RHCG: variants seen among roughly 807,000 people sequenced by gnomAD.
The protein encoded by RHCG is Rh family C glycoprotein.
A neutral mutation model predicts 55.3 loss-of-function variants in RHCG; 39 were observed. The observed-to-expected ratio is 0.70, with a 90% CI of 0.55 to 0.92. The LOEUF (loss-of-function observed/expected upper bound fraction) is 0.92. RHCG is among the 40% of genes least tolerant of loss of function. RHCG has a pLI of 0.00. For missense variants in RHCG, 635 were observed against 627.9 expected, an observed-to-expected ratio of 1.01 and a Z score of -0.12; for synonymous variants, 250 against 246.8, an observed-to-expected ratio of 1.01 and a Z score of -0.12.
chr15:89,476,795 G>A lies in RHCG; in HGVS notation c.1271C>T (p.Pro424Leu). ...ATCCTCAAAGCAGTTCTCATCTGAAGGTTGTCCCCAGAATGGTAATCTCAA... is the reference window on the plus strand; with the variant it reads ...ATCCTCAAAGCAGTTCTCATCTGAAAGTTGTCCCCAGAATGGTAATCTCAA... ...LILRLPFWGQPSDENCFEDAV... is the reference protein window; with the variant it reads ...LILRLPFWGQLSDENCFEDAV... Residue 424 changes from proline (P) to leucine (L), a missense_variant, in exon 9 of 11, where the codon CCT (proline) becomes CTT (leucine). Coordinates refer to ENST00000268122, the MANE Select transcript of RHCG (RefSeq NM_016321.3). The A allele has an allele frequency of 6.2e-7, 1 of 1,614,152 alleles. No individual in the cohort carries two copies. The highest frequency in any genetic ancestry group is 8.5e-7 in the Non-Finnish European group (1 of 1,180,006).
intron 9 of RHCG, among the ~76,000 whole-genome samples, chr15:89,475,855 G>A (rs1285808874): frequency 2.6e-5 from 4 of 152,190 alleles, no homozygotes; most frequent in South Asian, 2.1e-4. Context: ...ATCTTAGCGC[G>A]AAAACCGCTG....
intron 10 of RHCG, 53 bp downstream of exon 10, chr15:89,472,658 G>T: frequency 6.5e-7 from 1 of 1,531,572 alleles, no homozygotes; most frequent in Non-Finnish European, 8.9e-7. Flanking sequence ...CTGAGAGCTG[G>T]GCCCCCACTG....
intron 4 of RHCG, 95 bp downstream of exon 4, chr15:89,480,166 C>T (rs1961237681): frequency 1.3e-6 from 2 of 1,525,616 alleles, no homozygotes; most frequent in Non-Finnish European, 1.8e-6. Context: ...TGGCCTTCAC[C>T]CATCATGGTG....
At chr15:89,479,852 GT>G (rs1755537157) in intron 4 of RHCG, 4 of 376,454 alleles carry the variant, frequency 1.1e-5, no homozygotes, top group Middle Eastern at 7.9e-4. Flanking sequence ...GCAGGGCTGG[GT>G]TTTGAGAGAC....
chr15:89,472,585 G>T, intron 10 of RHCG, 126 bp downstream of exon 10: 1 of 923,060 alleles, frequency 1.1e-6, no homozygotes, highest in East Asian at 2.8e-5. Context: ...CCTCAGGCAG[G>T]AGGGGTGGAA....
At chr15:89,485,692 A>ATT (rs200799966) in intron 2 of RHCG, among the ~76,000 whole-genome samples, 1 of 151,708 alleles carries the variant, frequency 6.6e-6, no homozygotes, top group African/African-American at 2.4e-5. Context: ...GGAGGAAAAC[A>ATT]TTTTTTTTTC....
intron 1 of RHCG, among the ~76,000 whole-genome samples, chr15:89,491,154 C>T (rs1247528615): frequency 6.6e-6 from 1 of 152,142 alleles, no homozygotes; most frequent in African/African-American, 2.4e-5. Context: ...GGTTTCAGGG[C>T]TGCCTTGGCC....
Position 89,477,072 on chromosome 15 carries a change from T to G in RHCG, c.1237+10A>C. On this transcript the variant is annotated intron_variant, in intron 8 of 10. Coordinates refer to ENST00000268122, the MANE Select transcript of RHCG (RefSeq NM_016321.3). The surrounding 1 kb of genome is among the most constrained non-coding windows in gnomAD (Gnocchi z 4.5). ...CACCCCCCTTCTCTGGCTCAGCCATTCCTGCTCACCCACAATGATGCCACC... is the reference window on the plus strand; with the variant it reads ...CACCCCCCTTCTCTGGCTCAGCCATGCCTGCTCACCCACAATGATGCCACC... The G allele has an allele frequency of 6.2e-7, 1 of 1,614,030 alleles. No individual in the cohort carries two copies. The highest frequency in any genetic ancestry group is 8.5e-7 in the Non-Finnish European group (1 of 1,179,970).
chr15:89,476,858 A>G lies in RHCG; in HGVS notation c.1238-30T>C, dbSNP rs765310146. The G allele has an allele frequency of 5.0e-6, 8 of 1,596,192 alleles. No homozygotes were observed. In the South Asian group the frequency reaches 8.8e-5, roughly 18 times the overall value. ...AGAAAGTTGGAGATTACAGGATGTCAGGAAGTGCCTTCTCTCTGCTCACCC... is the reference window on the plus strand; with the variant it reads ...AGAAAGTTGGAGATTACAGGATGTCGGGAAGTGCCTTCTCTCTGCTCACCC... On this transcript the variant is annotated intron_variant, in intron 8 of 10. Coordinates refer to ENST00000268122, the MANE Select transcript of RHCG (RefSeq NM_016321.3).
chr15:89,475,076 GCCTT>G (rs1961118795), intron 9 of RHCG, among the ~76,000 whole-genome samples: 1 of 82,378 alleles, frequency 1.2e-5, no homozygotes, highest in Non-Finnish European at 2.5e-5. Flanking sequence ...CTGCCTTCCT[GCCTT>G]CCTGCCTGCC....
At chr15:89,484,284 G>A (rs1324503155) in intron 2 of RHCG, among the ~76,000 whole-genome samples, 1 of 152,166 alleles carries the variant, frequency 6.6e-6, no homozygotes, top group Non-Finnish European at 1.5e-5. Context: ...ATGATCGATG[G>A]CAGTTCCTAA....
At chr15:89,486,315 G>A (rs1320890593) in intron 2 of RHCG, 2 of 456,572 alleles carry the variant, frequency 4.4e-6, no homozygotes, top group Non-Finnish European at 8.8e-6. Context: ...TTCACAAGGA[G>A]CCTCTGAGGC....
chr15:89,486,236 G>A, intron 2 of RHCG: 2 of 456,606 alleles, frequency 4.4e-6, no homozygotes. Flanking sequence ...CCTGGGGTGG[G>A]TGGGGGCGGT....
intron 1 of RHCG, among the ~76,000 whole-genome samples, chr15:89,490,064 C>G (rs749296444): frequency 1.3e-5 from 2 of 152,228 alleles, no homozygotes; most frequent in Non-Finnish European, 2.9e-5. Context: ...GGTGTGCCAG[C>G]TGAGCAGTGG....
At chr15:89,488,264 C>A (rs1567228433) in intron 1 of RHCG, among the ~76,000 whole-genome samples, 1 of 150,178 alleles carries the variant, frequency 6.7e-6, no homozygotes, top group Non-Finnish European at 1.5e-5. Flanking sequence ...AGGGCTCTTG[C>A]CTACAGTAGA....
intron 2 of RHCG, among the ~76,000 whole-genome samples, chr15:89,484,632 T>C (rs1364336007): frequency 6.6e-6 from 1 of 151,870 alleles, no homozygotes; most frequent in Non-Finnish European, 1.5e-5. Flanking sequence ...ATACAAAAAT[T>C]AGCTGGGCTT....
At chr15:89,491,750 G>A (rs1961479489) in intron 1 of RHCG, among the ~76,000 whole-genome samples, 1 of 151,912 alleles carries the variant, frequency 6.6e-6, no homozygotes, top group South Asian at 2.1e-4. Context: ...CTGGGCAACA[G>A]AGTGAGACTT....
rs1961393766 is a variant in RHCG at position 89,487,306 on chromosome 15, C to G, written c.185-321G>C. Among the ~76,000 whole-genome samples, 6 of 152,342 alleles carry G rather than the reference C, an allele frequency of 3.9e-5. No individual in the cohort carries two copies. The East Asian group carries it at 1.2e-3, about 29-fold the overall frequency. ...TGTAGTGCCAAGAGATTCCCAAACA[C>G]CCTCCTTGAGAGATGGCAGCTCCTT... On this transcript the variant is annotated intron_variant, in intron 1 of 10. Transcript: ENST00000268122.
rs1961181688 is a variant in RHCG at position 89,477,757 on chromosome 15, C to T, written c.975+80G>A. The T allele has an allele frequency of 6.2e-7, 1 of 1,604,462 alleles. No individual in the cohort carries two copies. Among genetic ancestry groups the T allele is most frequent in the South Asian group, 1.1e-5 (1 of 90,322 alleles). ...GATTCTCTAGCCCTCAGCCCCCTCC[C>T]TAGGAACCCTCAGCTCACTGTCAGG... is the stretch of plus-strand genomic sequence containing the variant. On this transcript the variant is annotated intron_variant, in intron 6 of 10. Transcript: ENST00000268122. This position sits in a 1 kb window ranked among gnomAD's most constrained non-coding sequence, Gnocchi z 4.5.
Sources: gnomAD v4.1 joint callset for allele counts (sites outside exome capture counted in the v4.1 genomes callset) on GRCh38, gnomAD v4.1.1 for gene constraint, Gnocchi (gnomAD v3.1) non-coding constraint, MANE v1.5 for transcripts, NCBI Gene and HGNC (gene_info 2026-07-23, HGNC 2026-07-21) for gene names.